LRRC4C: variants seen among roughly 807,000 people sequenced by gnomAD.
The protein encoded by LRRC4C is leucine rich repeat containing 4C.
A neutral mutation model predicts 33.6 loss-of-function variants in LRRC4C; 5 were observed. That is an observed-to-expected ratio of 0.15 (90% confidence interval 0.08 to 0.31). The LOEUF is 0.31. Among genes scored for constraint, LRRC4C ranks in the 10% least tolerant of loss-of-function variants. The pLI, the probability that LRRC4C is intolerant of heterozygous loss-of-function variation, is 1.00. For synonymous variants in LRRC4C, 329 were observed against 302.0 expected (o/e 1.09, Z -0.93); for missense variants, 560 against 796.7 (o/e 0.70, Z 3.58).
chr11:40,978,893 A>G (rs1292515307), intron 1 of LRRC4C, among the ~76,000 whole-genome samples: 4 of 151,960 alleles, frequency 2.6e-5, no homozygotes, highest in Non-Finnish European at 5.9e-5. Flanking sequence ...CGGCCTCCCA[A>G]AATGCTAGGA....
At chr11:40,499,999 C>T (rs1954664682) in intron 3 of LRRC4C, among the ~76,000 whole-genome samples, 1 of 151,852 alleles carries the variant, frequency 6.6e-6, no homozygotes, top group Non-Finnish European at 1.5e-5. Context: ...TGTTCCTGTC[C>T]CAGCTTCCCA....
At chr11:40,309,955 C>T (rs1419607770) in intron 4 of LRRC4C, among the ~76,000 whole-genome samples, 1 of 152,142 alleles carries the variant, frequency 6.6e-6, no homozygotes. Context: ...GCTGGCCCTG[C>T]CTGGAGTCAG....
intron 1 of LRRC4C, among the ~76,000 whole-genome samples, chr11:41,443,011 A>G (rs1160682690): frequency 1.3e-5 from 2 of 151,400 alleles, no homozygotes; most frequent in Non-Finnish European, 2.9e-5. Context: ...GAAATGGTAG[A>G]GCTTATACTT....
chr11:41,213,911 A>T (rs1421777700), intron 1 of LRRC4C, among the ~76,000 whole-genome samples: 1 of 151,986 alleles, frequency 6.6e-6, no homozygotes, highest in Non-Finnish European at 1.5e-5. Context: ...TCACATTTTG[A>T]CCTCCATTTG....
intron 1 of LRRC4C, among the ~76,000 whole-genome samples, chr11:41,113,625 G>A (rs1941962595): frequency 6.6e-6 from 1 of 152,010 alleles, no homozygotes; most frequent in South Asian, 2.1e-4. Flanking sequence ...GGATACCTTG[G>A]CTGTACGCTT....
intron 1 of LRRC4C, among the ~76,000 whole-genome samples, chr11:41,038,496 A>G (rs1857231617): frequency 6.6e-6 from 1 of 152,160 alleles, no homozygotes; most frequent in Non-Finnish European, 1.5e-5. Flanking sequence ...TGCTTCTCCC[A>G]GTTCTAATTT....
intron 2 of LRRC4C, among the ~76,000 whole-genome samples, chr11:40,671,576 A>G (rs1027052578): frequency 3.3e-5 from 5 of 151,054 alleles, no homozygotes; most frequent in Admixed American, 2.6e-4. Context: ...GATCTTTGCA[A>G]TTCTCTCTGT....
rs150055538 is a variant in LRRC4C, at chr11:41,415,099, A to G, written c.-496+44332T>C. On this transcript the variant is annotated intron_variant, in intron 1 of 6. Coordinates refer to ENST00000528697, the MANE Select transcript of LRRC4C (RefSeq NM_001258419.2). Reference sequence around the variant, plus strand: ...AAATTACTCTCTAGCCTTGTTTTCAATGCAAAAGATGCTCATAAGTAAACA... The same window carrying G: ...AAATTACTCTCTAGCCTTGTTTTCAGTGCAAAAGATGCTCATAAGTAAACA... Among the ~76,000 whole-genome samples, 65 of 152,294 alleles carry G rather than the reference A, an allele frequency of 4.3e-4. No homozygotes were observed. The South Asian group carries it at 0.013, about 30-fold the overall frequency.
At chr11:40,776,446 G>A (rs1949999915) in intron 2 of LRRC4C, among the ~76,000 whole-genome samples, 1 of 151,694 alleles carries the variant, frequency 6.6e-6, no homozygotes, top group South Asian at 2.1e-4. Context: ...ATTTCTTCCT[G>A]ATTTAATCTT....
chr11:40,677,326 C>G (rs1944454627), intron 2 of LRRC4C, among the ~76,000 whole-genome samples: 1 of 152,124 alleles, frequency 6.6e-6, no homozygotes, highest in Non-Finnish European at 1.5e-5. Flanking sequence ...GCGGAGGTTG[C>G]AGTGACCCAA....
At chr11:40,902,812 G>T (rs1030640076) in intron 2 of LRRC4C, among the ~76,000 whole-genome samples, 1 of 152,136 alleles carries the variant, frequency 6.6e-6, no homozygotes, top group Non-Finnish European at 1.5e-5. Flanking sequence ...TGAGAGAGGT[G>T]AGGAACCTGC....
At chr11:40,878,460 T>C (rs534922393) in intron 2 of LRRC4C, among the ~76,000 whole-genome samples, 13 of 152,178 alleles carry the variant, frequency 8.5e-5, no homozygotes, top group Non-Finnish European at 1.9e-4. Flanking sequence ...CATTAGATTC[T>C]CATAAGGAGC....
chr11:40,392,329 A>G (rs1949369135), intron 3 of LRRC4C, among the ~76,000 whole-genome samples: 1 of 152,176 alleles, frequency 6.6e-6, no homozygotes, highest in Non-Finnish European at 1.5e-5. Context: ...CTATTAATGT[A>G]TCAATATTGG....
intron 3 of LRRC4C, among the ~76,000 whole-genome samples, chr11:40,441,423 G>A (rs1050608012): frequency 5.9e-5 from 9 of 152,276 alleles, no homozygotes; most frequent in African/African-American, 1.9e-4. Context: ...AGTACGATTC[G>A]CTGTAACTAA....
intron 1 of LRRC4C, among the ~76,000 whole-genome samples, chr11:41,012,790 T>A (rs1855301715): frequency 6.6e-6 from 1 of 152,174 alleles, no homozygotes; most frequent in Admixed American, 6.5e-5. Context: ...TTAACTGGGG[T>A]GAGATGATAT....
intron 1 of LRRC4C, among the ~76,000 whole-genome samples, chr11:41,009,900 A>T (rs1855046566): frequency 6.6e-6 from 1 of 152,300 alleles, no homozygotes; most frequent in East Asian, 1.9e-4. Context: ...AACGTAATCA[A>T]TTTATAATGA....
At chr11:41,304,960 A>G in intron 1 of LRRC4C, among the ~76,000 whole-genome samples, 1 of 105,234 alleles carries the variant, frequency 9.5e-6, no homozygotes, top group African/African-American at 3.6e-5. Flanking sequence ...CCCGTCCGGG[A>G]GGTGAGGGGC....
intron 2 of LRRC4C, among the ~76,000 whole-genome samples, chr11:40,852,145 A>G (rs1218866790): frequency 2.7e-5 from 4 of 150,512 alleles, no homozygotes; most frequent in African/African-American, 4.9e-5. Flanking sequence ...TTTTTTTTCC[A>G]GATTGTTTTT....
intron 5 of LRRC4C, among the ~76,000 whole-genome samples, chr11:40,219,741 T>TG (rs765553027): frequency 1.9e-4 from 27 of 142,770 alleles, no homozygotes; most frequent in East Asian, 6.5e-4. Context: ...GGGAAGAAAT[T>TG]GGGGGGGTGG....
Sources: allele counts gnomAD v4.1 joint callset (sites outside exome capture counted in the v4.1 genomes callset), GRCh38; gene constraint gnomAD v4.1.1; transcripts MANE v1.5; gene names NCBI Gene and HGNC (gene_info 2026-07-23, HGNC 2026-07-21).